Variants in CDH13 observed in about 807,000 individuals in gnomAD.
The protein encoded by CDH13 is cadherin 13, also known as cadherin-13.
Under a neutral mutation model 63.8 loss-of-function variants are expected in CDH13, and 24 were observed. The observed-to-expected ratio is 0.38, with a 90% CI of 0.27 to 0.53. The LOEUF (loss-of-function observed/expected upper bound fraction) is 0.53, where lower values mean the gene tolerates loss of function less well. Among genes scored for constraint, CDH13 ranks in the 20% least tolerant of loss-of-function variants. CDH13 has a pLI of 0.85. For missense variants in CDH13, 1,049 were observed against 903.1 expected (o/e 1.16, Z -2.07); for synonymous variants, 503 against 355.3 (o/e 1.42, Z -4.67).
At chr16:82,863,552 C>T (rs1711664498) in intron 2 of CDH13, among the ~76,000 whole-genome samples, 1 of 152,160 alleles carries the variant, frequency 6.6e-6, no homozygotes, top group South Asian at 2.1e-4. Flanking sequence ...ATCTCATCTC[C>T]AAAAGAAGAT....
chr16:83,303,818 C>A (rs2089808150), intron 5 of CDH13, among the ~76,000 whole-genome samples: 1 of 152,116 alleles, frequency 6.6e-6, no homozygotes, highest in Non-Finnish European at 1.5e-5. Flanking sequence ...ATTAAATCAT[C>A]TACCCACCCT....
chr16:83,037,236 C>T (rs1303099606), intron 3 of CDH13, among the ~76,000 whole-genome samples: 4 of 152,180 alleles, frequency 2.6e-5, no homozygotes, highest in Non-Finnish European at 5.9e-5. Context: ...TTCTAATTCT[C>T]ACAACCTCCC....
chr16:83,232,545 C>CAAAAAA (rs371820662), intron 5 of CDH13, among the ~76,000 whole-genome samples: 14 of 107,986 alleles, frequency 1.3e-4, no homozygotes, highest in East Asian at 6.2e-4. Flanking sequence ...ACAACAACAA[C>CAAAAAA]AAACAAACAA....
intron 2 of CDH13, among the ~76,000 whole-genome samples, chr16:83,002,004 C>G (rs970750610): frequency 6.6e-6 from 1 of 152,198 alleles, no homozygotes; most frequent in African/African-American, 2.4e-5. Context: ...TTGTATTTGA[C>G]TCATTCATTT....
intron 3 of CDH13, among the ~76,000 whole-genome samples, chr16:83,043,171 G>C (rs571777714): frequency 1.3e-5 from 2 of 152,186 alleles, no homozygotes; most frequent in South Asian, 4.1e-4. Context: ...TTCATATATA[G>C]ATAAAAAGAC....
intron 1 of CDH13, among the ~76,000 whole-genome samples, chr16:82,694,815 T>C (rs565148115): frequency 1.3e-5 from 2 of 152,180 alleles, no homozygotes; most frequent in South Asian, 4.1e-4. Context: ...AGGATGACTA[T>C]GCCTACTTGT....
chr16:83,415,864 C>T (rs372091155), intron 6 of CDH13, among the ~76,000 whole-genome samples: 2 of 152,274 alleles, frequency 1.3e-5, no homozygotes, highest in South Asian at 2.1e-4. Flanking sequence ...TACTCACTGT[C>T]ACCAGTTCTA....
rs116497399 is a variant in CDH13 at position 83,466,008 on chromosome 16, C to A, written c.782-20469C>A. On this transcript the variant is annotated intron_variant, in intron 6 of 13. Transcript: ENST00000567109. ...GAGAAGTCTCTTCTGCTTTTCACAG[C>A]AGGTGTCATTCAACCTACACACATG... Among the ~76,000 whole-genome samples, 507 of 152,274 alleles carry A rather than the reference C, an allele frequency of 3.3e-3. 4 individuals carry two copies. Among genetic ancestry groups the A allele is most frequent in the African/African-American group, 0.012 (487 of 41,564 alleles).
chr16:82,933,678 A>G (rs1318809463), intron 2 of CDH13, among the ~76,000 whole-genome samples: 1 of 152,048 alleles, frequency 6.6e-6, no homozygotes, highest in East Asian at 1.9e-4. Context: ...AATCAAAAGC[A>G]AGTTAGGTAC....
chr16:83,649,786 G>A (rs1912189316), intron 8 of CDH13, among the ~76,000 whole-genome samples: 1 of 152,144 alleles, frequency 6.6e-6, no homozygotes, highest in Admixed American at 6.5e-5. Flanking sequence ...GTCTGCTGCT[G>A]AGAGAGGCAG....
At chr16:83,527,760 C>G (rs1258233909) in intron 7 of CDH13, among the ~76,000 whole-genome samples, 1 of 152,172 alleles carries the variant, frequency 6.6e-6, no homozygotes, top group African/African-American at 2.4e-5. Context: ...AATGCCAGCA[C>G]CTATTACGGT....
chr16:82,824,212 T>A (rs1383165471), intron 1 of CDH13: 2 of 152,092 alleles, frequency 1.3e-5, no homozygotes, highest in African/African-American at 4.8e-5. Context: ...TAAATCTGTT[T>A]AAATACATAA....
intron 6 of CDH13, among the ~76,000 whole-genome samples, chr16:83,400,987 T>G (rs1597932172): frequency 1.3e-5 from 2 of 150,336 alleles, no homozygotes; most frequent in South Asian, 4.2e-4. Flanking sequence ...AGGGATCACT[T>G]GAGGCCAGGA....
At chr16:83,569,189 T>G (rs966788075) in intron 7 of CDH13, among the ~76,000 whole-genome samples, 2 of 152,146 alleles carry the variant, frequency 1.3e-5, no homozygotes, top group African/African-American at 2.4e-5. Context: ...TTGCACTCTT[T>G]CCTTCCCTCG....
chr16:83,450,219 C>T (rs539341353), intron 6 of CDH13, among the ~76,000 whole-genome samples: 5 of 152,238 alleles, frequency 3.3e-5, no homozygotes, highest in Non-Finnish European at 7.3e-5. Context: ...CACAAACCCA[C>T]CTGTGAGGCC....
At chr16:82,663,943 G>T (rs189299640) in intron 1 of CDH13, among the ~76,000 whole-genome samples, 10 of 152,322 alleles carry the variant, frequency 6.6e-5, no homozygotes, top group African/African-American at 2.2e-4. Context: ...AGCATGACAG[G>T]CATTCCACTC....
intron 1 of CDH13, among the ~76,000 whole-genome samples, chr16:82,750,523 A>G (rs2034369987): frequency 6.6e-6 from 1 of 152,250 alleles, no homozygotes; most frequent in African/African-American, 2.4e-5. Context: ...TTAGTACCAG[A>G]CTAATGATCT....
At chr16:82,748,015 C>G (rs1005011626) in intron 1 of CDH13, among the ~76,000 whole-genome samples, 1 of 152,166 alleles carries the variant, frequency 6.6e-6, no homozygotes, top group African/African-American at 2.4e-5. Context: ...TTTACTTTTC[C>G]TTTATTTCCC....
intron 2 of CDH13, among the ~76,000 whole-genome samples, chr16:83,021,047 G>A (rs1049497256): frequency 2.0e-5 from 3 of 152,176 alleles, no homozygotes; most frequent in Non-Finnish European, 4.4e-5. Flanking sequence ...TGTCAGAGAC[G>A]TGTGCCAGTC....
Sources: allele counts gnomAD v4.1 joint callset (sites outside exome capture counted in the v4.1 genomes callset), GRCh38; gene constraint gnomAD v4.1.1; transcripts MANE v1.5; gene names NCBI Gene and HGNC (gene_info 2026-07-23, HGNC 2026-07-21).